The following AKR1D1 variants were observed in gnomAD, a reference collection of about 807,000 sequenced individuals.
AKR1D1 encodes delta(4)-3-ketosteroid 5-beta-reductase.
Under a neutral mutation model 42.6 loss-of-function variants are expected in AKR1D1, and 32 were observed. The ratio of observed to expected loss-of-function variants is 0.75; its 90% CI spans 0.57 to 1.01. The LOEUF is 1.01. Among genes scored for constraint, AKR1D1 ranks in the 50% least tolerant of loss-of-function variants. AKR1D1 has a pLI of 0.00. For synonymous variants in AKR1D1, 123 were observed against 135.5 expected (o/e 0.91, Z 0.64); for missense variants, 364 against 402.2 (o/e 0.91, Z 0.81).
chr7:138,089,855 G>C (rs1794027927), intron 2 of AKR1D1, among the ~76,000 whole-genome samples: 1 of 152,154 alleles, frequency 6.6e-6, no homozygotes, highest in African/African-American at 2.4e-5. Flanking sequence ...GAGGCAATGT[G>C]GGGGTGATTA....
intron 2 of AKR1D1, among the ~76,000 whole-genome samples, chr7:138,089,644 T>G (rs776784476): frequency 1.3e-5 from 2 of 152,172 alleles, no homozygotes; most frequent in Non-Finnish European, 2.9e-5. Context: ...CTTTAAATTG[T>G]CCAAAAAGTA....
intron 3 of AKR1D1, among the ~76,000 whole-genome samples, chr7:138,094,150 C>A (rs1229324840): frequency 6.6e-6 from 1 of 152,110 alleles, no homozygotes; most frequent in Admixed American, 6.5e-5. Context: ...TCCAACTGAA[C>A]CTATAATTGG....
chr7:138,091,258 A>G (rs1052559404), intron 2 of AKR1D1: 2 of 173,898 alleles, frequency 1.2e-5, no homozygotes, highest in African/African-American at 4.8e-5. Flanking sequence ...GCTGTAACAT[A>G]TGTCACCCCA....
chr7:138,097,867 C>T lies in AKR1D1; in HGVS notation c.380C>T (p.Pro127Leu), dbSNP rs140421486. Residue 127 changes from proline to leucine, a missense_variant and splice_region_variant, in exon 4 of 9, where the codon CCA becomes CTA. Physicochemically the swap from Pro to Leu is moderately conservative, Grantham distance 98 (BLOSUM62 -3). Coordinates refer to ENST00000242375, the MANE Select transcript of AKR1D1 (RefSeq NM_005989.4). Reference protein sequence around the residue: ...YIIEVPMAFKPGDEIYPRDEN... With the variant: ...YIIEVPMAFKLGDEIYPRDEN... ...TTATTCTTTTTTTTTTTTTTTCAGC[C>T]AGGAGATGAAATATACCCTAGAGAT... 9.0e-5 allele frequency: 141 copies of T among 1,573,122 alleles called. No homozygotes were observed. Among genetic ancestry groups the T allele is most frequent in the Non-Finnish European group, 1.2e-4 (136 of 1,155,386 alleles).
At chr7:138,110,513 G>C (rs189264826) in intron 7 of AKR1D1, among the ~76,000 whole-genome samples, 1 of 152,288 alleles carries the variant, frequency 6.6e-6, no homozygotes, top group East Asian at 1.9e-4. Context: ...AGCACCTTGG[G>C]AGGCTGAGGC....
In AKR1D1 at chr7:138,117,938, G is replaced by C. The variant is rs1794671889; in HGVS notation, c.*1276G>C. 6.6e-6 allele frequency: 1 copy of C among 152,210 alleles called. No homozygotes were observed. Among genetic ancestry groups the C allele is most frequent in the Non-Finnish European group, 1.5e-5 (1 of 68,080 alleles). The allele number at this position is 152,210 out of a possible 1,614,324, so 9.4% of individuals were successfully genotyped here. A position where few individuals can be genotyped will look rare whatever the true frequency, so the allele number is the denominator to read the frequency against. ...GGAGGCTGAGGCAGAAGAATGGCAT[G>C]AACCCGGGAGGAGGAGCTTGCAGTG... On this transcript the variant is annotated 3_prime_UTR_variant, in exon 9 of 9. Coordinates refer to ENST00000242375, the MANE Select transcript of AKR1D1 (RefSeq NM_005989.4).
At chr7:138,096,555 G>T (rs1440722448) in intron 3 of AKR1D1, among the ~76,000 whole-genome samples, 1 of 152,178 alleles carries the variant, frequency 6.6e-6, no homozygotes, top group Admixed American at 6.6e-5. Context: ...ACATGAATTA[G>T]GGGGGACACA....
intron 1 of AKR1D1, among the ~76,000 whole-genome samples, chr7:138,087,406 G>A (rs1793953909): frequency 6.6e-6 from 1 of 152,164 alleles, no homozygotes; most frequent in African/African-American, 2.4e-5. Context: ...AGTGTTCAGG[G>A]AACAGGATAT....
In AKR1D1 at chr7:138,116,929, A is replaced by G; in HGVS notation, c.*267A>G. The G allele has an allele frequency of 4.6e-6, 2 of 434,662 alleles. No individual in the cohort carries two copies. The allele number at this position is 434,662 out of a possible 1,614,324, so 26.9% of individuals were successfully genotyped here. On this transcript the variant is annotated 3_prime_UTR_variant, in exon 9 of 9. Transcript: ENST00000242375. Reference sequence around the variant, plus strand: ...TCTTCTAGATTCCAGACAGAAAAAAATTACACTTCAGAAAAGACATCAAAG... The same window carrying G: ...TCTTCTAGATTCCAGACAGAAAAAAGTTACACTTCAGAAAAGACATCAAAG...
At chr7:138,095,289 A>C (rs1013296541) in intron 3 of AKR1D1, among the ~76,000 whole-genome samples, 30 of 152,202 alleles carry the variant, frequency 2.0e-4, no homozygotes, top group African/African-American at 7.0e-4. Flanking sequence ...TGTGGGTCAT[A>C]AGTGTTGAGA....
intron 3 of AKR1D1, among the ~76,000 whole-genome samples, chr7:138,093,310 G>T (rs143830675): frequency 0.013 from 1,979 of 151,994 alleles, 46 homozygotes; most frequent in African/African-American, 0.045. Context: ...CTCATGATCC[G>T]CCCACCTCGG....
chr7:138,115,286 T>A (rs555484612), intron 8 of AKR1D1, among the ~76,000 whole-genome samples: 1 of 152,120 alleles, frequency 6.6e-6, no homozygotes, highest in South Asian at 2.1e-4. Flanking sequence ...CTACAAAAAA[T>A]TTAAAAATAA....
At chr7:138,084,372 C>T (rs1389523557) in intron 1 of AKR1D1, among the ~76,000 whole-genome samples, 1 of 150,570 alleles carries the variant, frequency 6.6e-6, no homozygotes, top group Non-Finnish European at 1.5e-5. Flanking sequence ...AAGCGAGTCA[C>T]CAGACCCGGC....
At chr7:138,109,349 CCT>C (rs147772842) in intron 7 of AKR1D1, among the ~76,000 whole-genome samples, 4 of 151,880 alleles carry the variant, frequency 2.6e-5, no homozygotes, top group South Asian at 4.2e-4. Context: ...GAGATTTAGT[CCT>C]CTCTCTCTCT....
At chr7:138,096,789 T>C (rs1165966749) in intron 3 of AKR1D1, among the ~76,000 whole-genome samples, 5 of 152,206 alleles carry the variant, frequency 3.3e-5, no homozygotes, top group African/African-American at 2.4e-5. Context: ...CTTCCAAATG[T>C]TGTTATGCCC....
chr7:138,102,274 G>A lies in AKR1D1; in HGVS notation c.457-3033G>A, dbSNP rs527567883. ...CCTATAATAGCCACAACAACTTTTT[G>A]AAAAAGAGCAATAGCCAAGCACAGT... On this transcript the variant is annotated intron_variant, in intron 4 of 8. Coordinates refer to ENST00000242375, the MANE Select transcript of AKR1D1 (RefSeq NM_005989.4). Among the ~76,000 whole-genome samples the A allele has an allele frequency of 2.0e-5, 3 of 149,332 alleles. No individual in the cohort carries two copies. The East Asian group carries it at 5.9e-4, about 30-fold the overall frequency.
At chr7:138,099,153 A>G (rs1324449306) in intron 4 of AKR1D1, among the ~76,000 whole-genome samples, 1 of 152,080 alleles carries the variant, frequency 6.6e-6, no homozygotes, top group Non-Finnish European at 1.5e-5. Context: ...GGAATGATTT[A>G]TTTCCCAGTG....
At position 138,088,669 on chromosome 7, in the gene AKR1D1, G is replaced by C. The variant is rs1343008636; in HGVS notation, c.162G>C (p.Gly54=). Reference sequence around the variant, plus strand: ...ACACAGGGTACCGACATATTGATGGGGCCTACATCTACCAAAATGAACACG... The same window carrying C: ...ACACAGGGTACCGACATATTGATGGCGCCTACATCTACCAAAATGAACACG... ...AIDTGYRHID[G]AYIYQNEHEV... Residue 54 remains glycine (G), a synonymous_variant, in exon 2 of 9, where the codon GGG becomes GGC. Coordinates refer to ENST00000242375, the MANE Select transcript of AKR1D1 (RefSeq NM_005989.4). 6.2e-7 allele frequency: 1 copy of C among 1,614,050 alleles called. No homozygotes were observed. The highest frequency in any genetic ancestry group is 1.7e-5 in the Admixed American group (1 of 59,994).
At chr7:138,093,489 A>T (rs1794126078) in intron 3 of AKR1D1, among the ~76,000 whole-genome samples, 1 of 152,150 alleles carries the variant, frequency 6.6e-6, no homozygotes, top group African/African-American at 2.4e-5. Flanking sequence ...AAGCACACAC[A>T]TTAGTCTAGG....
Sources: gnomAD v4.1 joint callset for allele counts (sites outside exome capture counted in the v4.1 genomes callset) on GRCh38, gnomAD v4.1.1 for gene constraint, MANE v1.5 for transcripts, NCBI Gene and HGNC (gene_info 2026-07-23, HGNC 2026-07-21) for gene names.